The following CRIM1 variants were observed in gnomAD, a reference collection of about 807,000 sequenced individuals.
CRIM1 encodes the protein cysteine rich transmembrane BMP regulator 1.
CRIM1 carries 32 observed loss-of-function variants against 116.4 expected under a neutral mutation model. That is an observed-to-expected ratio of 0.27 (90% CI 0.21 to 0.37). The LOEUF (loss-of-function observed/expected upper bound fraction) is 0.37, where lower values mean the gene tolerates loss of function less well. CRIM1 is among the 10% of genes least tolerant of loss of function. The probability of loss-of-function intolerance (pLI) is 1.00; values close to 1 mark genes in which losing one functional copy is unlikely to be tolerated. For synonymous variants in CRIM1, 590 were observed against 509.2 expected (o/e 1.16, Z -2.13); for missense variants, 1,331 against 1,354.8 (o/e 0.98, Z 0.28).
At chr2:36,500,776 A>G (rs957919188) in intron 8 of CRIM1, among the ~76,000 whole-genome samples, 3 of 152,238 alleles carry the variant, frequency 2.0e-5, no homozygotes, top group African/African-American at 7.2e-5. Context: ...AGTCCTAAGC[A>G]TTTATACCTT....
At chr2:36,403,784 A>G (rs1672588089) in intron 2 of CRIM1, among the ~76,000 whole-genome samples, 1 of 152,130 alleles carries the variant, frequency 6.6e-6, no homozygotes, top group South Asian at 2.1e-4. Context: ...AAATACAAGG[A>G]GAGCAGCTTT....
intron 16 of CRIM1, 97 bp downstream of exon 16, chr2:36,547,268 GTTTT>G (rs1667420707): frequency 2.0e-6 from 2 of 983,006 alleles, no homozygotes; most frequent in Admixed American, 4.4e-5. Flanking sequence ...AACCAGTGAA[GTTTT>G]TACTTTGCTC....
chr2:36,450,273 A>G (rs961965708), intron 4 of CRIM1, among the ~76,000 whole-genome samples: 3 of 152,200 alleles, frequency 2.0e-5, no homozygotes, highest in African/African-American at 7.2e-5. Context: ...ATCAGCCCAT[A>G]CATGGCTACT....
intron 1 of CRIM1, among the ~76,000 whole-genome samples, chr2:36,361,943 A>G (rs557570692): frequency 1.3e-5 from 2 of 152,282 alleles, no homozygotes; most frequent in East Asian, 1.9e-4. Flanking sequence ...TCAGAGGTCT[A>G]ATTCTGCAAA....
At chr2:36,467,794 G>C (rs563313855) in intron 5 of CRIM1, among the ~76,000 whole-genome samples, 1 of 152,322 alleles carries the variant, frequency 6.6e-6, no homozygotes, top group East Asian at 1.9e-4. Context: ...AAGTGAAAAA[G>C]GAGATAGGGT....
In CRIM1 at chr2:36,442,869, G is replaced by A. The variant is rs1675966571; in HGVS notation, c.869+134G>A. On this transcript the variant is annotated intron_variant, in intron 4 of 16. Coordinates refer to ENST00000280527, the MANE Select transcript of CRIM1 (RefSeq NM_016441.3). ...TTTCTCTGGAAGAAATCACTGAACT[G>A]TTTGCATTACTTGGTATTTATATGT... is the stretch of plus-strand genomic sequence containing the variant. The A allele has an allele frequency of 4.0e-6, 4 of 1,004,086 alleles. No individual in the cohort carries two copies. The South Asian group carries it at 4.4e-5, about 11-fold the overall frequency. The allele number at this position is 1,004,086 out of a possible 1,614,324, so 62.2% of individuals were successfully genotyped here. A position where few individuals can be genotyped will look rare whatever the true frequency, so the allele number is the denominator to read the frequency against.
At chr2:36,502,960 G>A (rs545209689) in intron 8 of CRIM1, among the ~76,000 whole-genome samples, 1 of 152,156 alleles carries the variant, frequency 6.6e-6, no homozygotes, top group African/African-American at 2.4e-5. Context: ...TTGTCATCTC[G>A]CTCACTGCCC....
intron 1 of CRIM1, among the ~76,000 whole-genome samples, chr2:36,392,636 T>G (rs1028643965): frequency 3.9e-5 from 6 of 152,184 alleles, no homozygotes; most frequent in South Asian, 4.1e-4. Context: ...TCATTACATT[T>G]TTGCTTTCAG....
chr2:36,444,044 G>A (rs1399682910), intron 4 of CRIM1, among the ~76,000 whole-genome samples: 2 of 152,182 alleles, frequency 1.3e-5, no homozygotes, highest in African/African-American at 2.4e-5. Flanking sequence ...GATAAATGGA[G>A]CATCGCTAAC....
At chr2:36,441,184 G>A in intron 2 of CRIM1, 74 bp from the exon 3 acceptor site, 7 of 1,588,682 alleles carry the variant, frequency 4.4e-6, no homozygotes, top group South Asian at 2.2e-5. Flanking sequence ...TAGATCATCA[G>A]GACTGTTTGT....
intron 14 of CRIM1, among the ~76,000 whole-genome samples, chr2:36,542,542 T>C (rs1667019979): frequency 6.6e-6 from 1 of 152,220 alleles, no homozygotes; most frequent in Non-Finnish European, 1.5e-5. Context: ...CAATCCCAGC[T>C]CTGGGGCCTC....
rs13419534 is a variant in CRIM1, at chr2:36,547,126, G to A, written c.2889G>A (p.Lys963=). The change falls in exon 16 of 17, where the codon AAG becomes AAA. Residue 963 remains lysine (K), a synonymous_variant. Coordinates refer to ENST00000280527, the MANE Select transcript of CRIM1 (RefSeq NM_016441.3). The part of the protein sequence containing the change: ...IIIAFLFINQ[K]KQWIPLLCWY... ...TAGCATTCCTATTCATCAATCAGAA[G>A]AAACAGTGGATACCACTGCTTTGCT... is the stretch of plus-strand genomic sequence containing the variant. The A allele has an allele frequency of 1.9e-6, 3 of 1,613,146 alleles. No individual in the cohort carries two copies. The East Asian group carries it at 6.7e-5, about 36-fold the overall frequency.
chr2:36,543,934 A>C (rs961202194), intron 14 of CRIM1, among the ~76,000 whole-genome samples: 1 of 152,212 alleles, frequency 6.6e-6, no homozygotes, highest in Non-Finnish European at 1.5e-5. Flanking sequence ...CAAGAAGTCC[A>C]TAAGAAGTGG....
chr2:36,504,487 T>C (rs185305140), intron 8 of CRIM1, among the ~76,000 whole-genome samples: 214 of 152,322 alleles, frequency 1.4e-3, no homozygotes, highest in African/African-American at 4.6e-3. Flanking sequence ...GATACAGAAT[T>C]CTTTCATTTG....
chr2:36,391,985 T>A (rs7565189), intron 1 of CRIM1, among the ~76,000 whole-genome samples: 57,122 of 151,838 alleles, frequency 0.38, 11,928 homozygotes, highest in African/African-American at 0.57. Flanking sequence ...ATACAAATTA[T>A]TAAGTTTATT....
At chr2:36,392,376 A>G (rs1331663434) in intron 1 of CRIM1, among the ~76,000 whole-genome samples, 1 of 152,198 alleles carries the variant, frequency 6.6e-6, no homozygotes, top group East Asian at 1.9e-4. Context: ...CTAGGAGACT[A>G]CATCTTGTCA....
intron 5 of CRIM1, among the ~76,000 whole-genome samples, chr2:36,474,372 C>A (rs556276912): frequency 6.6e-6 from 1 of 152,168 alleles, no homozygotes; most frequent in East Asian, 1.9e-4. Flanking sequence ...CTTTGAATGT[C>A]ACATCTAAGA....
At chr2:36,496,013 A>G (rs145095000) in intron 7 of CRIM1, among the ~76,000 whole-genome samples, 3 of 152,174 alleles carry the variant, frequency 2.0e-5, no homozygotes, top group Admixed American at 1.3e-4. Flanking sequence ...AAGGCAGTAC[A>G]CTATAATGGA....
intron 1 of CRIM1, among the ~76,000 whole-genome samples, chr2:36,359,333 A>G (rs1487549435): frequency 2.6e-5 from 4 of 152,232 alleles, no homozygotes; most frequent in African/African-American, 9.6e-5. Flanking sequence ...GCTTTCGATG[A>G]CATAATTTAA....
Sources: allele counts gnomAD v4.1 joint callset (sites outside exome capture counted in the v4.1 genomes callset), GRCh38; gene constraint gnomAD v4.1.1; transcripts MANE v1.5; gene names NCBI Gene and HGNC (gene_info 2026-07-23, HGNC 2026-07-21).